FAM193A: variants seen among roughly 807,000 people sequenced by gnomAD.
FAM193A encodes protein FAM193A.
In FAM193A, 22 loss-of-function variants were observed where a neutral mutation model predicts 126.5. That is an observed-to-expected ratio of 0.17 (90% CI 0.12 to 0.25). The LOEUF is 0.25. Among genes scored for constraint, FAM193A ranks in the 10% least tolerant of loss-of-function variants. FAM193A has a pLI of 1.00. For synonymous variants in FAM193A, 761 were observed against 646.8 expected (o/e 1.18, Z -2.68); for missense variants, 1,675 against 1,672.8 (o/e 1.00, Z -0.02).
Position 2,691,096 on chromosome 4 carries a change from A to G in FAM193A, c.2803+126A>G. ...CCTAGCCAGAGGCGTAAGTGTAATT[A>G]ACTGCCCAAAAATGCTCACACACAG... On this transcript the variant is annotated intron_variant, in intron 15 of 20. Coordinates refer to ENST00000637812, the MANE Select transcript of FAM193A (RefSeq NM_001366318.2). 3 of 811,836 alleles carry G rather than the reference A, an allele frequency of 3.7e-6. No individual in the cohort carries two copies. The East Asian group carries it at 8.0e-5, about 22-fold the overall frequency. The allele number at this position is 811,836 out of a possible 1,614,324, so 50.3% of individuals were successfully genotyped here.
intron 20 of FAM193A, among the ~76,000 whole-genome samples, chr4:2,731,183 C>A: frequency 1.7e-5 from 2 of 119,178 alleles, no homozygotes; most frequent in Non-Finnish European, 3.2e-5. Flanking sequence ...ATGACAAGAG[C>A]GAAACTCCTT....
intron 12 of FAM193A, among the ~76,000 whole-genome samples, chr4:2,670,127 C>T (rs1713621778): frequency 6.6e-6 from 1 of 152,138 alleles, no homozygotes; most frequent in Non-Finnish European, 1.5e-5. Context: ...CATACTTTCC[C>T]CTCATCTCTT....
chr4:2,633,263 G>A (rs1020935893), intron 5 of FAM193A, among the ~76,000 whole-genome samples: 1 of 151,876 alleles, frequency 6.6e-6, no homozygotes, highest in Non-Finnish European at 1.5e-5. Flanking sequence ...GCCGGGCATG[G>A]TGGCGGGCGC....
chr4:2,579,369 C>T (rs182519666), intron 1 of FAM193A, among the ~76,000 whole-genome samples: 52 of 151,284 alleles, frequency 3.4e-4, no homozygotes, highest in Non-Finnish European at 6.5e-4. Flanking sequence ...TGTGGTGGTA[C>T]GCGCCTGTAA....
intron 13 of FAM193A, among the ~76,000 whole-genome samples, chr4:2,686,221 T>C (rs1452626774): frequency 6.6e-6 from 1 of 152,356 alleles, no homozygotes; most frequent in East Asian, 1.9e-4. Context: ...GGCTTCCGTT[T>C]TTGAGTGTGT....
At chr4:2,642,707 CG>C (rs1560512177) in intron 6 of FAM193A, among the ~76,000 whole-genome samples, 1 of 151,104 alleles carries the variant, frequency 6.6e-6, no homozygotes, top group African/African-American at 2.4e-5. Context: ...TGACTGAAAC[CG>C]GAAGTGCATC....
At chr4:2,619,371 C>T (rs999088668) in intron 2 of FAM193A, among the ~76,000 whole-genome samples, 4 of 150,458 alleles carry the variant, frequency 2.7e-5, no homozygotes, top group Middle Eastern at 3.5e-3. Context: ...GGTGTAATCT[C>T]GGCTCACTGC....
chr4:2,617,487 A>G (rs190669981), intron 2 of FAM193A, among the ~76,000 whole-genome samples: 3,600 of 150,476 alleles, frequency 0.024, 163 homozygotes, highest in African/African-American at 0.083. Context: ...GCTGATCTCG[A>G]TCTCCTGACC....
intron 20 of FAM193A, among the ~76,000 whole-genome samples, chr4:2,722,317 C>G (rs888069713): frequency 2.0e-5 from 3 of 152,174 alleles, no homozygotes; most frequent in Non-Finnish European, 2.9e-5. Flanking sequence ...GGGACAAAGC[C>G]AGGTCACACT....
intron 5 of FAM193A, among the ~76,000 whole-genome samples, chr4:2,631,383 A>C (rs73207345): frequency 0.068 from 10,356 of 152,196 alleles, 505 homozygotes; most frequent in Middle Eastern, 0.15. Context: ...TGGATTGATA[A>C]GCAGGTGACA....
chr4:2,548,877 G>A (rs1027156465), intron 1 of FAM193A, among the ~76,000 whole-genome samples: 1 of 151,932 alleles, frequency 6.6e-6, no homozygotes, highest in African/African-American at 2.4e-5. Flanking sequence ...TCAAGGTTAT[G>A]AAGATTTTTT....
chr4:2,687,180 G>A (rs1001794919), intron 13 of FAM193A, among the ~76,000 whole-genome samples: 3 of 152,170 alleles, frequency 2.0e-5, no homozygotes, highest in African/African-American at 7.2e-5. Context: ...CCGAAGCACT[G>A]TGGAAGAAGG....
intron 20 of FAM193A, among the ~76,000 whole-genome samples, chr4:2,727,415 G>C (rs796851883): frequency 2.1e-4 from 32 of 152,190 alleles, no homozygotes; most frequent in African/African-American, 7.7e-4. Context: ...ATTATTTTTT[G>C]AGACACAGTC....
intron 2 of FAM193A, among the ~76,000 whole-genome samples, chr4:2,620,836 C>CAAAAAAAAAAAAAAAA (rs34305537): frequency 8.7e-5 from 6 of 69,094 alleles, no homozygotes; most frequent in African/African-American, 3.0e-4. Context: ...AACTCCGTCT[C>CAAAAAAAAAAAAAAAA]AAAAAAAAAA....
chr4:2,683,963 C>T (rs1486369314), intron 13 of FAM193A, among the ~76,000 whole-genome samples: 1 of 152,218 alleles, frequency 6.6e-6, no homozygotes, highest in East Asian at 1.9e-4. Context: ...CCTGATGAGT[C>T]CATCACTGAT....
chr4:2,574,945 G>C (rs922641498), intron 1 of FAM193A, among the ~76,000 whole-genome samples: 2 of 152,096 alleles, frequency 1.3e-5, no homozygotes, highest in Non-Finnish European at 2.9e-5. Flanking sequence ...TTCGTGACCC[G>C]CCTGTGGGAA....
chr4:2,543,168 A>C (rs1317958807), intron 1 of FAM193A, among the ~76,000 whole-genome samples: 1 of 150,800 alleles, frequency 6.6e-6, no homozygotes, highest in African/African-American at 2.4e-5. Flanking sequence ...GCTCACTGCA[A>C]CCTCCGCCTC....
chr4:2,710,404 A>G (rs1718814012), intron 19 of FAM193A, among the ~76,000 whole-genome samples: 1 of 151,744 alleles, frequency 6.6e-6, no homozygotes, highest in Non-Finnish European at 1.5e-5. Flanking sequence ...CCATCTCCTG[A>G]CCTCATGATC....
At chr4:2,535,476 C>T (rs1011201644), upstream of FAM193A, among the ~76,000 whole-genome samples, 1 of 152,180 alleles carries the variant, frequency 6.6e-6, no homozygotes, top group African/African-American at 2.4e-5. Flanking sequence ...CTCGGCCTGA[C>T]ACCACCGGTG....
Sources: allele counts gnomAD v4.1 joint callset (sites outside exome capture counted in the v4.1 genomes callset), GRCh38; gene constraint gnomAD v4.1.1; transcripts MANE v1.5; gene names NCBI Gene and HGNC (gene_info 2026-07-23, HGNC 2026-07-21).